CYP7B1: variants seen among roughly 807,000 people sequenced by gnomAD.
CYP7B1 encodes cytochrome P450 family 7 subfamily B member 1.
In CYP7B1, 29 loss-of-function variants were observed where a neutral mutation model predicts 42.7. The ratio of observed to expected loss-of-function variants is 0.68; its 90% confidence interval spans 0.51 to 0.93. CYP7B1 has a LOEUF of 0.93. CYP7B1 is among the 40% of genes least tolerant of loss of function. The pLI is 0.00. For synonymous variants in CYP7B1, 235 were observed against 218.2 expected, an observed-to-expected ratio of 1.08 and a Z score of -0.68; for missense variants, 655 against 600.5, an observed-to-expected ratio of 1.09 and a Z score of -0.95.
At chr8:64,759,188 A>C (rs1807851024) in intron 1 of CYP7B1, among the ~76,000 whole-genome samples, 1 of 152,214 alleles carries the variant, frequency 6.6e-6, no homozygotes, top group African/African-American at 2.4e-5. Flanking sequence ...TGTATTCTTA[A>C]ATGTGGCAAA....
chr8:64,645,127 A>G (rs1313741738), intron 1 of CYP7B1, among the ~76,000 whole-genome samples: 1 of 151,046 alleles, frequency 6.6e-6, no homozygotes, highest in Admixed American at 6.6e-5. Context: ...TCCATGGTGT[A>G]TATGTGCCAC....
At chr8:64,770,339 A>C (rs1406776206) in intron 1 of CYP7B1, among the ~76,000 whole-genome samples, 1 of 152,228 alleles carries the variant, frequency 6.6e-6, no homozygotes, top group Non-Finnish European at 1.5e-5. Flanking sequence ...CCCTGATTTT[A>C]CAGATGGGGA....
At chr8:64,676,839 A>T (rs529858357) in intron 1 of CYP7B1, among the ~76,000 whole-genome samples, 12 of 152,198 alleles carry the variant, frequency 7.9e-5, no homozygotes, top group African/African-American at 2.6e-4. Flanking sequence ...TGCTAGCAGA[A>T]ATTCCTATTA....
At chr8:64,695,935 TA>T (rs1258230795) in intron 1 of CYP7B1, among the ~76,000 whole-genome samples, 2 of 152,204 alleles carry the variant, frequency 1.3e-5, no homozygotes, top group Non-Finnish European at 2.9e-5. Context: ...GATATAAATT[TA>T]AAAATGCAAA....
chr8:64,766,516 TAA>T (rs796511928), intron 1 of CYP7B1, among the ~76,000 whole-genome samples: 14 of 139,608 alleles, frequency 1.0e-4, no homozygotes, highest in Admixed American at 2.1e-4. Context: ...CAAACGGGAT[TAA>T]AAAAAAAAAA....
At chr8:64,680,518 G>A (rs552533289) in intron 1 of CYP7B1, among the ~76,000 whole-genome samples, 8 of 151,696 alleles carry the variant, frequency 5.3e-5, no homozygotes, top group Non-Finnish European at 1.0e-4. Flanking sequence ...TGGCACTGAG[G>A]CATTGTTTCA....
At chr8:64,615,587 G>C in intron 3 of CYP7B1, 104 bp downstream of exon 3, 2 of 1,087,040 alleles carry the variant, frequency 1.8e-6, no homozygotes. Flanking sequence ...TAGCCAATTA[G>C]AAAGAGCATA....
chr8:64,750,607 C>G (rs1181088659), intron 1 of CYP7B1, among the ~76,000 whole-genome samples: 2 of 152,160 alleles, frequency 1.3e-5, no homozygotes, highest in Non-Finnish European at 2.9e-5. Flanking sequence ...CATCTGCAAA[C>G]AAGTGATTCT....
chr8:64,677,706 GTTTTTTT>G (rs11435388), intron 1 of CYP7B1, among the ~76,000 whole-genome samples: 1 of 86,400 alleles, frequency 1.2e-5, no homozygotes, highest in Non-Finnish European at 2.1e-5. Context: ...ACACTCCTTG[GTTTTTTT>G]TTTTTTTTTT....
At chr8:64,624,279 G>T in intron 2 of CYP7B1, 124 bp downstream of exon 2, 3 of 919,046 alleles carry the variant, frequency 3.3e-6, no homozygotes, top group Non-Finnish European at 4.9e-6. Context: ...TTTCACATTA[G>T]CTCTACAAAA....
intron 5 of CYP7B1, among the ~76,000 whole-genome samples, chr8:64,602,674 A>T (rs1049899706): frequency 3.3e-5 from 5 of 152,176 alleles, no homozygotes; most frequent in African/African-American, 9.7e-5. Context: ...GTCTCTGATG[A>T]GCTCCTGAAC....
At chr8:64,717,143 T>G (rs188246402) in intron 1 of CYP7B1, among the ~76,000 whole-genome samples, 1 of 152,146 alleles carries the variant, frequency 6.6e-6, no homozygotes, top group East Asian at 1.9e-4. Context: ...TTTTCCAGCT[T>G]TTTATGATTA....
At chr8:64,760,280 G>C (rs968847847) in intron 1 of CYP7B1, among the ~76,000 whole-genome samples, 15 of 152,062 alleles carry the variant, frequency 9.9e-5, no homozygotes, top group African/African-American at 3.4e-4. Flanking sequence ...GGCCTGAAAA[G>C]CTCCTTGACA....
intron 1 of CYP7B1, among the ~76,000 whole-genome samples, chr8:64,627,854 A>C (rs1465454313): frequency 2.6e-5 from 4 of 152,216 alleles, no homozygotes; most frequent in African/African-American, 9.7e-5. Context: ...AGATAACAGA[A>C]ATCTGTCTTC....
intron 1 of CYP7B1, among the ~76,000 whole-genome samples, chr8:64,661,417 C>T (rs535391958): frequency 5.9e-5 from 9 of 152,274 alleles, no homozygotes; most frequent in Non-Finnish European, 1.2e-4. Context: ...GTGCGATTTA[C>T]TGTCATTTGT....
At chr8:64,703,731 T>G (rs1047445277) in intron 1 of CYP7B1, 38 of 152,198 alleles carry the variant, frequency 2.5e-4, no homozygotes, top group African/African-American at 7.0e-4. Context: ...ACAAAATATT[T>G]TGGAAACTTT....
At chr8:64,748,187 G>A (rs1807674649) in intron 1 of CYP7B1, among the ~76,000 whole-genome samples, 1 of 152,154 alleles carries the variant, frequency 6.6e-6, no homozygotes, top group Admixed American at 6.5e-5. Context: ...CAGGACTGAA[G>A]CACCTGCTGA....
chr8:64,788,276 C>T (rs79067392), intron 1 of CYP7B1, among the ~76,000 whole-genome samples: 8 of 152,112 alleles, frequency 5.3e-5, no homozygotes, highest in East Asian at 1.9e-4. Context: ...GAGTGGGCAG[C>T]GAGAGGTAGG....
chr8:64,625,120 C>A (rs1320589216), intron 1 of CYP7B1, among the ~76,000 whole-genome samples: 1 of 151,858 alleles, frequency 6.6e-6, no homozygotes. Context: ...ACTACAGGCG[C>A]CTGCCACCAC....
Sources: gnomAD v4.1 joint callset for allele counts (sites outside exome capture counted in the v4.1 genomes callset) on GRCh38, gnomAD v4.1.1 for gene constraint, MANE v1.5 for transcripts, NCBI Gene and HGNC (gene_info 2026-07-23, HGNC 2026-07-21) for gene names.